DCBLD1: variants seen among roughly 807,000 people sequenced by gnomAD.
The protein encoded by DCBLD1 is discoidin, CUB and LCCL domain-containing protein 1.
In DCBLD1, 57 loss-of-function variants were observed where a neutral mutation model predicts 71.5. That is an observed-to-expected ratio of 0.80 (90% confidence interval 0.64 to 0.99). The LOEUF (loss-of-function observed/expected upper bound fraction) is 0.99. DCBLD1 is among the 50% of genes least tolerant of loss of function. DCBLD1 has a pLI of 0.00. For missense variants in DCBLD1, 891 were observed against 923.5 expected, an observed-to-expected ratio of 0.96 and a Z score of 0.46; for synonymous variants, 380 against 363.8, an observed-to-expected ratio of 1.04 and a Z score of -0.51.
In DCBLD1 at chr6:117,503,917, A is replaced by G. The variant is rs749625300; in HGVS notation, c.263A>G (p.Asp88Gly). The change falls in exon 2 of 15, where the codon GAT becomes GGT. Residue 88 changes from aspartate to glycine, a missense_variant. Asp to Gly is a moderately conservative substitution (Grantham distance 94). Transcript: ENST00000338728. ...CTGATTCTGAGGTTGGGAGATTTGGATATCGAATCCCAGACCTGTGCTTCT... is the reference window on the plus strand; with the variant it reads ...CTGATTCTGAGGTTGGGAGATTTGGGTATCGAATCCCAGACCTGTGCTTCT... Reference protein sequence around the residue: ...KRLILRLGDLDIESQTCASDY... With the variant: ...KRLILRLGDLGIESQTCASDY... 3.7e-6 allele frequency: 6 copies of G among 1,614,050 alleles called. No homozygotes were observed. The highest frequency in any genetic ancestry group is 1.1e-5 in the South Asian group (1 of 91,094).
At chr6:117,505,793 C>A (rs966547971) in intron 2 of DCBLD1, among the ~76,000 whole-genome samples, 1 of 152,046 alleles carries the variant, frequency 6.6e-6, no homozygotes. Flanking sequence ...CACAGTGAGA[C>A]CCCCATCTCT....
In DCBLD1 at chr6:117,539,299, G is replaced by A. The variant is rs781151238; in HGVS notation, c.1021G>A (p.Val341Ile). The change falls in exon 9 of 15, where the codon GTT becomes ATT. Residue 341 changes from valine (V) to isoleucine (I), a missense_variant. Coordinates refer to ENST00000338728, the MANE Select transcript of DCBLD1 (RefSeq NM_001366458.2). The stretch of plus-strand genomic sequence containing the variant: ...TACACAGTCGAACTTCAACTTTTAT[G>A]TTAAGAGTTTTGTGATGAACTTCAA... ...GSTQSNFNFY[V>I]KSFVMNFKNN... 4.4e-6 allele frequency: 7 copies of A among 1,607,680 alleles called. No homozygotes were observed. Among genetic ancestry groups the A allele is most frequent in the South Asian group, 1.1e-5 (1 of 89,958 alleles).
At chr6:117,535,748 A>C (rs1441460297) in intron 6 of DCBLD1, among the ~76,000 whole-genome samples, 1 of 152,172 alleles carries the variant, frequency 6.6e-6, no homozygotes, top group Non-Finnish European at 1.5e-5. Flanking sequence ...CACATTTCAA[A>C]TGTAACAGCG....
At chr6:117,558,716 C>T (rs1422678875) in intron 14 of DCBLD1, among the ~76,000 whole-genome samples, 1 of 152,174 alleles carries the variant, frequency 6.6e-6, no homozygotes. Flanking sequence ...TGTAACAATA[C>T]ATCAAGTGTT....
intron 14 of DCBLD1, chr6:117,560,787 TTTC>T (rs1368611977): frequency 4.7e-6 from 1 of 211,662 alleles, no homozygotes; most frequent in Non-Finnish European, 9.6e-6. Context: ...ATTAAAACGT[TTTC>T]TCAACCATTC....
At chr6:117,513,282 G>A (rs924466289) in intron 2 of DCBLD1, among the ~76,000 whole-genome samples, 16 of 152,252 alleles carry the variant, frequency 1.1e-4, no homozygotes, top group East Asian at 7.7e-4. Context: ...ATAGTAGCCC[G>A]AAACAGGGAA....
At position 117,547,528 on chromosome 6, in the gene DCBLD1, T is replaced by G. The variant is rs1779305978; in HGVS notation, c.1616-379T>G. On this transcript the variant is annotated intron_variant, in intron 14 of 14. Transcript: ENST00000338728. ...ACAAACTACTCTGTGTCCCTCATACTCTGGCCATATCAACTCTATTTTCGA... is the reference window on the plus strand; with the variant it reads ...ACAAACTACTCTGTGTCCCTCATACGCTGGCCATATCAACTCTATTTTCGA... The G allele has an allele frequency of 5.9e-6, 3 of 505,154 alleles. No individual in the cohort carries two copies. The Admixed American group carries it at 6.9e-5, about 12-fold the overall frequency. The allele number at this position is 505,154 out of a possible 1,614,324, so 31.3% of individuals were successfully genotyped here. A position where few individuals can be genotyped will look rare whatever the true frequency, so the allele number is the denominator to read the frequency against.
chr6:117,513,547 C>G (rs1007913400), intron 2 of DCBLD1, among the ~76,000 whole-genome samples: 3 of 152,162 alleles, frequency 2.0e-5, no homozygotes, highest in African/African-American at 7.2e-5. Flanking sequence ...CTGCTGCACT[C>G]CAGTGTGATG....
chr6:117,530,076 G>C (rs897635066), intron 5 of DCBLD1, among the ~76,000 whole-genome samples: 1 of 152,150 alleles, frequency 6.6e-6, no homozygotes, highest in Admixed American at 6.5e-5. Context: ...GGGATCCCAA[G>C]GACAGTGGGA....
chr6:117,541,352 AG>A (rs1779090783), intron 11 of DCBLD1, among the ~76,000 whole-genome samples: 1 of 152,188 alleles, frequency 6.6e-6, no homozygotes, highest in Admixed American at 6.5e-5. Flanking sequence ...TAATATAGAA[AG>A]CTGTCTGAGA....
intron 2 of DCBLD1, among the ~76,000 whole-genome samples, chr6:117,506,825 CA>C (rs1474490510): frequency 6.6e-6 from 1 of 152,220 alleles, no homozygotes; most frequent in African/African-American, 2.4e-5. Context: ...TTGCCTGAAC[CA>C]GTAAAAGAAG....
chr6:117,560,541 G>C (rs1001887671), intron 14 of DCBLD1: 4 of 193,968 alleles, frequency 2.1e-5, no homozygotes, highest in Non-Finnish European at 4.3e-5. Flanking sequence ...AACAGCATAA[G>C]TCCACTGCAG....
At chr6:117,496,929 G>A (rs922211649) in intron 1 of DCBLD1, among the ~76,000 whole-genome samples, 3 of 152,060 alleles carry the variant, frequency 2.0e-5, no homozygotes, top group African/African-American at 7.2e-5. Flanking sequence ...GATTACTTGA[G>A]GTGTGATAAA....
chr6:117,554,380 T>G (rs892053891), downstream of DCBLD1, among the ~76,000 whole-genome samples: 4 of 152,240 alleles, frequency 2.6e-5, no homozygotes, highest in Non-Finnish European at 5.9e-5. Context: ...ATCTATTTAT[T>G]CCTTTTTTTC....
chr6:117,517,808 G>A (rs1448582162), intron 2 of DCBLD1, among the ~76,000 whole-genome samples: 1 of 152,190 alleles, frequency 6.6e-6, no homozygotes, highest in Non-Finnish European at 1.5e-5. Context: ...AAGACACCAA[G>A]TTCCTAGGCT....
intron 1 of DCBLD1, among the ~76,000 whole-genome samples, chr6:117,490,060 A>G (rs934739297): frequency 6.6e-6 from 1 of 151,430 alleles, no homozygotes; most frequent in Admixed American, 6.6e-5. Flanking sequence ...ACCATTGAGG[A>G]CATGTTTTAG....
At chr6:117,495,950 T>C (rs1441828462) in intron 1 of DCBLD1, among the ~76,000 whole-genome samples, 1 of 152,238 alleles carries the variant, frequency 6.6e-6, no homozygotes, top group African/African-American at 2.4e-5. Flanking sequence ...ATAGGATCTC[T>C]TTAAATGATT....
chr6:117,537,771 C>T (rs1008443915), intron 7 of DCBLD1, among the ~76,000 whole-genome samples: 2 of 148,396 alleles, frequency 1.3e-5, no homozygotes. Flanking sequence ...CAGCCACCCT[C>T]ACCAAATCTT....
intron 1 of DCBLD1, among the ~76,000 whole-genome samples, chr6:117,495,181 G>A (rs114885173): frequency 0.012 from 1,747 of 142,048 alleles, 20 homozygotes; most frequent in African/African-American, 0.043. Flanking sequence ...TTTCTCAGCC[G>A]ATTAAAGCAC....
Sources: gnomAD v4.1 joint callset for allele counts (sites outside exome capture counted in the v4.1 genomes callset) on GRCh38, gnomAD v4.1.1 for gene constraint, MANE v1.5 for transcripts, NCBI Gene and HGNC (gene_info 2026-07-23, HGNC 2026-07-21) for gene names.